NRXN2: variants seen among roughly 807,000 people sequenced by gnomAD.
The protein encoded by NRXN2 is neurexin-2-beta.
A neutral mutation model predicts 128.8 loss-of-function variants in NRXN2; 29 were observed. That is an observed-to-expected ratio of 0.23 (90% confidence interval 0.17 to 0.31). The LOEUF (loss-of-function observed/expected upper bound fraction) is 0.31, where lower values mean the gene tolerates loss of function less well. Ranked by LOEUF, NRXN2 falls within the 10% of genes least tolerant of loss-of-function variation. The probability of loss-of-function intolerance (pLI) is 1.00; values close to 1 mark genes in which losing one functional copy is unlikely to be tolerated. For synonymous variants in NRXN2, 1,098 were observed against 1,075.2 expected, an observed-to-expected ratio of 1.02 and a Z score of -0.41; for missense variants, 1,881 against 2,452.6, an observed-to-expected ratio of 0.77 and a Z score of 4.92.
chr11:64,661,278 TC>T, intron 9 of NRXN2, 139 bp from the exon 10 acceptor site: 1 of 1,535,576 alleles, frequency 6.5e-7, no homozygotes, highest in Non-Finnish European at 8.7e-7. Flanking sequence ...CGAGCAGCAG[TC>T]CTGGGCTGGA....
rs906406462 is a variant in NRXN2 at position 64,620,441 on chromosome 11, T to C, written c.4174-69A>G. 1.4e-5 allele frequency: 18 copies of C among 1,253,990 alleles called. No homozygotes were observed. The African/African-American group carries it at 1.6e-4, about 11-fold the overall frequency. The allele number at this position is 1,253,990 out of a possible 1,614,324, so 77.7% of individuals were successfully genotyped here. ...GGTCAGCAGATCCCACAGCTGCCAC[T>C]TGAGGTGCACGGTGGCACGGGGGAT... On this transcript the variant is annotated intron_variant, in intron 21 of 22. Transcript: ENST00000265459.
intron 22 of NRXN2, among the ~76,000 whole-genome samples, chr11:64,611,949 C>T (rs953086484): frequency 4.7e-5 from 7 of 149,746 alleles, no homozygotes; most frequent in Admixed American, 2.7e-4. Context: ...CTCATGGTAG[C>T]CTCTGTCTCC....
chr11:64,609,179 T>C (rs1175016605), intron 22 of NRXN2, among the ~76,000 whole-genome samples: 2 of 151,742 alleles, frequency 1.3e-5, no homozygotes, highest in Non-Finnish European at 2.9e-5. Context: ...CAGGGACACA[T>C]GGTTCCTGAG....
intron 6 of NRXN2, among the ~76,000 whole-genome samples, chr11:64,679,003 G>C (rs2051761546): frequency 6.6e-6 from 1 of 152,226 alleles, no homozygotes; most frequent in Non-Finnish European, 1.5e-5. Context: ...CATAGCAAGA[G>C]AAGAGTCTAA....
chr11:64,695,475 GAGGGCTGC>G (rs146667243), intron 3 of NRXN2, among the ~76,000 whole-genome samples: 3,425 of 152,082 alleles, frequency 0.023, 122 homozygotes, highest in African/African-American at 0.076. Context: ...GAGATATAAG[GAGGGCTGC>G]AGGGTCCAGA....
At chr11:64,616,059 G>A (rs1174411816) in intron 22 of NRXN2, among the ~76,000 whole-genome samples, 5 of 152,130 alleles carry the variant, frequency 3.3e-5, no homozygotes, top group African/African-American at 4.8e-5. Flanking sequence ...CTATAGGGGC[G>A]GGCTTGGTGG....
chr11:64,664,498 T>G (rs560442350), intron 9 of NRXN2, among the ~76,000 whole-genome samples: 3 of 146,952 alleles, frequency 2.0e-5, no homozygotes, highest in African/African-American at 7.7e-5. Context: ...AAAAAAAAGG[T>G]TACTATGGTA....
intron 6 of NRXN2, 114 bp from the exon 7 acceptor site, chr11:64,677,151 A>C: frequency 1.4e-6 from 1 of 720,386 alleles, no homozygotes. Flanking sequence ...CCAACTGTGA[A>C]ACTCAAGGAA....
chr11:64,673,446 C>T (rs947578305), intron 7 of NRXN2, among the ~76,000 whole-genome samples: 6 of 152,138 alleles, frequency 3.9e-5, no homozygotes, highest in African/African-American at 4.8e-5. Flanking sequence ...CTGGGGGATG[C>T]CTTGGGAATC....
intron 17 of NRXN2, chr11:64,637,461 G>T (rs1008622594): frequency 1.3e-5 from 2 of 152,294 alleles, no homozygotes; most frequent in Non-Finnish European, 2.9e-5. Flanking sequence ...AGCCGGTAAC[G>T]GTCTCTCCAC....
chr11:64,664,981 C>A (rs1304179017), intron 9 of NRXN2, among the ~76,000 whole-genome samples: 3 of 110,642 alleles, frequency 2.7e-5, no homozygotes, highest in Non-Finnish European at 3.6e-5. Context: ...CAGAGAGAGA[C>A]TTCGTCTCAA....
intron 6 of NRXN2, among the ~76,000 whole-genome samples, chr11:64,679,688 T>G (rs1049470106): frequency 6.6e-5 from 10 of 152,176 alleles, no homozygotes; most frequent in African/African-American, 2.2e-4. Context: ...TTCTAACCCT[T>G]GGGCCTTCCA....
intron 2 of NRXN2, among the ~76,000 whole-genome samples, chr11:64,705,332 T>C (rs2056118579): frequency 6.6e-6 from 1 of 152,144 alleles, no homozygotes; most frequent in Admixed American, 6.5e-5. Flanking sequence ...GAGCCTCTCT[T>C]TGACCCTCTG....
At chr11:64,695,846 T>A (rs1320619100) in intron 3 of NRXN2, among the ~76,000 whole-genome samples, 1 of 151,994 alleles carries the variant, frequency 6.6e-6, no homozygotes, top group Non-Finnish European at 1.5e-5. Flanking sequence ...AATGGCGAGG[T>A]GGCGTCCACA....
Position 64,607,419 on chromosome 11 carries a change from ACCATGC to A in NRXN2, c.4910_4915del (p.Gly1637_Met1638del). The stretch of plus-strand genomic sequence containing the variant: ...CGCCGCCGCCGCCACAATGCCCACC[ACCATGC>A]CCGTGGTGCTGCTGGACTCCCGGAT... On this transcript the variant is annotated inframe_deletion, in exon 23 of 23. Coordinates refer to ENST00000265459, the MANE Select transcript of NRXN2 (RefSeq NM_015080.4). The A allele has an allele frequency of 6.2e-7, 1 of 1,612,144 alleles. No homozygotes were observed.
chr11:64,685,661 G>A lies in NRXN2; in HGVS notation c.1137C>T (p.Thr379=). The change falls in exon 6 of 23, where the codon ACC becomes ACT. Residue 379 remains threonine, a synonymous_variant. Transcript: ENST00000265459. ...CTCCTCCTACCTGGCGCAGGTTTCG[G>A]GTGACCCGGACGTCGTGCCAGGCGT... is the stretch of plus-strand genomic sequence containing the variant. ...NDNAWHDVRV[T]RNLRQHAGIG... The A allele has an allele frequency of 6.2e-7, 1 of 1,614,220 alleles. No homozygotes were observed.
At position 64,696,528 on chromosome 11, in the gene NRXN2, TAC is replaced by T. The variant is rs58158687; in HGVS notation, c.748+1245_748+1246del. ...ACATACATACCCACACATACATACA[TAC>T]ACACACACACACACACACACACACA... is the stretch of plus-strand genomic sequence containing the variant. On this transcript the variant is annotated intron_variant, in intron 3 of 22. Coordinates refer to ENST00000265459, the MANE Select transcript of NRXN2 (RefSeq NM_015080.4). 6.2e-3 allele frequency among the ~76,000 whole-genome samples: 867 copies of T among 138,798 alleles called. 5 individuals carry two copies. The highest frequency in any genetic ancestry group is 0.011 in the African/African-American group (403 of 37,710). 91.1% of individuals were successfully genotyped at this position (138,798 alleles called of 152,430 possible).
chr11:64,651,862 C>T lies in NRXN2; in HGVS notation c.2536+173G>A, dbSNP rs1435883170. Among the ~76,000 whole-genome samples, 3 of 152,152 alleles carry T rather than the reference C, an allele frequency of 2.0e-5. No homozygotes were observed. The highest frequency in any genetic ancestry group is 2.9e-5 in the Non-Finnish European group (2 of 68,022). On this transcript the variant is annotated intron_variant, in intron 13 of 22. Transcript: ENST00000265459. The surrounding 1 kb of genome is among the most constrained non-coding windows in gnomAD (Gnocchi z 5.9). ...AATGCTGCCTACAGGGAGTTGAAATCGTTCCTGGGGTCCAGATGCCCATAA... is the reference window on the plus strand; with the variant it reads ...AATGCTGCCTACAGGGAGTTGAAATTGTTCCTGGGGTCCAGATGCCCATAA...
chr11:64,633,512 G>A (rs898430802), intron 18 of NRXN2, among the ~76,000 whole-genome samples: 4 of 152,158 alleles, frequency 2.6e-5, no homozygotes, highest in African/African-American at 9.7e-5. Flanking sequence ...ACCATCTACT[G>A]CAAGCCATGC....
Sources: allele counts gnomAD v4.1 joint callset (sites outside exome capture counted in the v4.1 genomes callset), GRCh38; gene constraint gnomAD v4.1.1; non-coding constraint Gnocchi (gnomAD v3.1); transcripts MANE v1.5; gene names NCBI Gene and HGNC (gene_info 2026-07-23, HGNC 2026-07-21).